ADGRB3: variants seen among roughly 807,000 people sequenced by gnomAD.
The protein encoded by ADGRB3 is brain-specific angiogenesis inhibitor 3.
ADGRB3 carries 37 observed loss-of-function variants against 193.4 expected under a neutral mutation model. The observed-to-expected ratio is 0.19, with a 90% CI of 0.15 to 0.25. The LOEUF is 0.25. Among genes scored for constraint, ADGRB3 ranks in the 10% least tolerant of loss-of-function variants. The pLI, the probability that ADGRB3 is intolerant of heterozygous loss-of-function variation, is 1.00. For missense variants in ADGRB3, 1,637 were observed against 1,852.9 expected (o/e 0.88, Z 2.14); for synonymous variants, 690 against 644.2 (o/e 1.07, Z -1.08).
intron 17 of ADGRB3, among the ~76,000 whole-genome samples, chr6:69,190,332 G>A (rs548021520): frequency 6.6e-6 from 1 of 151,960 alleles, no homozygotes; most frequent in Non-Finnish European, 1.5e-5. Context: ...ACCCTGGGTA[G>A]GCTTAGGGTA....
intron 3 of ADGRB3, among the ~76,000 whole-genome samples, chr6:68,868,390 T>C (rs900990682): frequency 4.6e-5 from 7 of 152,196 alleles, no homozygotes; most frequent in African/African-American, 1.7e-4. Context: ...GTGAGTCAAT[T>C]AAACCTCTTT....
At chr6:69,241,665 A>AT (rs1329706524) in intron 20 of ADGRB3, among the ~76,000 whole-genome samples, 2 of 151,968 alleles carry the variant, frequency 1.3e-5, no homozygotes, top group African/African-American at 4.8e-5. Flanking sequence ...TTTACTTTTC[A>AT]TTTCTTATTT....
intron 20 of ADGRB3, among the ~76,000 whole-genome samples, chr6:69,295,958 G>A (rs191541709): frequency 6.6e-6 from 1 of 152,112 alleles, no homozygotes; most frequent in African/African-American, 2.4e-5. Context: ...AAATCTTGTT[G>A]ACTTGGGAGA....
rs1438980514 is a variant in ADGRB3 at position 69,156,631 on chromosome 6, A to G, written c.2481-76659A>G. On this transcript the variant is annotated intron_variant, in intron 17 of 31. Transcript: ENST00000370598. Reference sequence around the variant, plus strand: ...TATGAACCCATTAGCCAAGAGAACAACATGATGGCTGATTTGTTTGATTTT... The same window carrying G: ...TATGAACCCATTAGCCAAGAGAACAGCATGATGGCTGATTTGTTTGATTTT... Among the ~76,000 whole-genome samples, 4 of 152,242 alleles carry G rather than the reference A, an allele frequency of 2.6e-5. No homozygotes were observed. In the South Asian group the frequency reaches 8.3e-4, roughly 31 times the overall value.
At chr6:68,718,944 A>G (rs1400213106) in intron 3 of ADGRB3, among the ~76,000 whole-genome samples, 2 of 151,774 alleles carry the variant, frequency 1.3e-5, no homozygotes, top group Non-Finnish European at 2.9e-5. Flanking sequence ...ACAGGGACAA[A>G]TGGTCCTCAA....
intron 19 of ADGRB3, among the ~76,000 whole-genome samples, chr6:69,236,131 A>C (rs1766261501): frequency 2.0e-5 from 3 of 152,158 alleles, no homozygotes; most frequent in Middle Eastern, 6.8e-3. Flanking sequence ...ATTTAAAAAG[A>C]CCATTTTACT....
At chr6:69,371,021 T>C (rs930209678) in intron 29 of ADGRB3, among the ~76,000 whole-genome samples, 1 of 152,084 alleles carries the variant, frequency 6.6e-6, no homozygotes, top group South Asian at 2.1e-4. Context: ...GCTGAGGTGC[T>C]GTTGGAGACA....
intron 20 of ADGRB3, among the ~76,000 whole-genome samples, chr6:69,289,717 GT>G (rs1767625784): frequency 6.6e-6 from 1 of 152,006 alleles, no homozygotes; most frequent in Non-Finnish European, 1.5e-5. Flanking sequence ...TGGCCCTACA[GT>G]TTCACCTCCA....
intron 5 of ADGRB3, among the ~76,000 whole-genome samples, chr6:68,937,714 G>C (rs929362129): frequency 6.6e-6 from 1 of 152,144 alleles, no homozygotes; most frequent in African/African-American, 2.4e-5. Context: ...TGGGTGGCAC[G>C]GAGTAAGAAC....
chr6:69,165,587 C>T (rs1449141540), intron 17 of ADGRB3, among the ~76,000 whole-genome samples: 1 of 152,028 alleles, frequency 6.6e-6, no homozygotes, highest in Admixed American at 6.6e-5. Flanking sequence ...TCTGCCTCCT[C>T]CAGGAAGCCT....
chr6:68,936,815 C>A, intron 5 of ADGRB3, 135 bp downstream of exon 5: 1 of 993,674 alleles, frequency 1.0e-6, no homozygotes, highest in Non-Finnish European at 1.4e-6. Flanking sequence ...TATTATTCAA[C>A]TGTAATATTT....
chr6:69,365,097 A>G (rs1769540448), intron 29 of ADGRB3, among the ~76,000 whole-genome samples: 1 of 152,084 alleles, frequency 6.6e-6, no homozygotes, highest in Non-Finnish European at 1.5e-5. Context: ...TTTTCACTCA[A>G]GAGTCTTTCC....
intron 20 of ADGRB3, among the ~76,000 whole-genome samples, chr6:69,270,989 A>C (rs1010606662): frequency 1.3e-5 from 2 of 152,206 alleles, no homozygotes; most frequent in Non-Finnish European, 1.5e-5. Flanking sequence ...ATCAGTGGAC[A>C]ATATTCTCCT....
intron 3 of ADGRB3, among the ~76,000 whole-genome samples, chr6:68,669,650 G>A (rs998864315): frequency 4.0e-5 from 5 of 125,904 alleles, no homozygotes; most frequent in East Asian, 2.4e-4. Context: ...GTGTGTGTGT[G>A]TATACCAAAT....
chr6:68,827,813 A>C (rs1767873685), intron 3 of ADGRB3, among the ~76,000 whole-genome samples: 1 of 152,048 alleles, frequency 6.6e-6, no homozygotes, highest in African/African-American at 2.4e-5. Flanking sequence ...CCCTTTCTCT[A>C]TGGCTGAGCC....
chr6:69,126,961 T>G (rs565947276), intron 17 of ADGRB3, among the ~76,000 whole-genome samples: 2 of 152,296 alleles, frequency 1.3e-5, no homozygotes, highest in East Asian at 3.9e-4. Flanking sequence ...CAGAATTGCT[T>G]TGCTGGAATT....
chr6:68,657,106 T>G (rs1768507839), intron 3 of ADGRB3, among the ~76,000 whole-genome samples: 1 of 151,430 alleles, frequency 6.6e-6, no homozygotes, highest in Admixed American at 6.6e-5. Context: ...TATAATAGGC[T>G]TCCACTCTTA....
intron 3 of ADGRB3, among the ~76,000 whole-genome samples, chr6:68,888,501 A>T (rs1387345878): frequency 6.6e-6 from 1 of 150,958 alleles, no homozygotes; most frequent in Non-Finnish European, 1.5e-5. Context: ...ATTTATGTTT[A>T]TTTATCACCA....
chr6:69,118,870 T>C (rs1232482661), intron 17 of ADGRB3, among the ~76,000 whole-genome samples: 6 of 152,174 alleles, frequency 3.9e-5, no homozygotes, highest in Admixed American at 3.3e-4. Flanking sequence ...ATTTTATCTA[T>C]ATATAGCAAA....
Sources: allele counts gnomAD v4.1 joint callset (sites outside exome capture counted in the v4.1 genomes callset), GRCh38; gene constraint gnomAD v4.1.1; transcripts MANE v1.5; gene names NCBI Gene and HGNC (gene_info 2026-07-23, HGNC 2026-07-21).